NUP133: variants seen among roughly 807,000 people sequenced by gnomAD.
NUP133 encodes nuclear pore complex protein Nup133.
Under a neutral mutation model 146.2 loss-of-function variants are expected in NUP133, and 66 were observed. The observed-to-expected ratio is 0.45, with a 90% CI of 0.37 to 0.55. The LOEUF (loss-of-function observed/expected upper bound fraction) is 0.55. Among genes scored for constraint, NUP133 ranks in the 20% least tolerant of loss-of-function variants. NUP133 has a pLI of 0.00. For synonymous variants in NUP133, 521 were observed against 498.8 expected, an observed-to-expected ratio of 1.04 and a Z score of -0.59; for missense variants, 1,277 against 1,374.8, an observed-to-expected ratio of 0.93 and a Z score of 1.12.
At chr1:229,464,586 A>T in intron 18 of NUP133, 38 bp downstream of exon 18, 1 of 1,604,526 alleles carries the variant, frequency 6.2e-7, no homozygotes, top group Non-Finnish European at 8.5e-7. Context: ...TCATCCATTC[A>T]GCAAATTTAA....
chr1:229,446,426 C>T (rs887151882), intron 24 of NUP133, among the ~76,000 whole-genome samples: 4 of 150,690 alleles, frequency 2.7e-5, no homozygotes, highest in African/African-American at 4.9e-5. Context: ...AAAAACAAAA[C>T]GAACAAACAA....
In NUP133 at chr1:229,499,874, AG is replaced by A. The variant is rs751207714; in HGVS notation, c.514-57del. Reference sequence around the variant, plus strand: ...ACAATAAAAGAGGAACCCAAAAACCAGCAGTCTGATGGCAATGATACAAAGA... The same window carrying A: ...ACAATAAAAGAGGAACCCAAAAACCACAGTCTGATGGCAATGATACAAAGA... On this transcript the variant is annotated intron_variant, in intron 4 of 25. Coordinates refer to ENST00000261396, the MANE Select transcript of NUP133 (RefSeq NM_018230.3). 2.5e-6 allele frequency: 4 copies of A among 1,569,940 alleles called. No homozygotes were observed. The East Asian group carries it at 6.8e-5, about 27-fold the overall frequency.
At chr1:229,503,984 T>C (rs1661872490) in intron 2 of NUP133, among the ~76,000 whole-genome samples, 1 of 152,106 alleles carries the variant, frequency 6.6e-6, no homozygotes, top group African/African-American at 2.4e-5. Flanking sequence ...TACCAATATA[T>C]ATATATACAT....
At chr1:229,498,007 A>T in intron 6 of NUP133, 129 bp downstream of exon 6, 1 of 572,210 alleles carries the variant, frequency 1.7e-6, no homozygotes, top group South Asian at 3.7e-5. Context: ...ATAGTTCACT[A>T]AAAAGACCAA....
intron 24 of NUP133, among the ~76,000 whole-genome samples, chr1:229,446,011 T>G (rs1346856408): frequency 6.6e-6 from 1 of 152,266 alleles, no homozygotes; most frequent in African/African-American, 2.4e-5. Context: ...GGAAAGAATT[T>G]GTTCCTTCAA....
chr1:229,490,117 A>G lies in NUP133; in HGVS notation c.1047-15T>C. ...CCAGCCCATCACTAATCAATAAAAA[A>G]GGAAGATGTAAAGCCTCTCTAAAAA... On this transcript the variant is annotated splice_polypyrimidine_tract_variant and intron_variant, in intron 8 of 25. Transcript: ENST00000261396. 5 of 1,528,688 alleles carry G rather than the reference A, an allele frequency of 3.3e-6. No homozygotes were observed. Among genetic ancestry groups the G allele is most frequent in the Non-Finnish European group, 4.4e-6 (5 of 1,133,458 alleles). 94.7% of individuals were successfully genotyped at this position (1,528,688 alleles called of 1,614,324 possible). A position where few individuals can be genotyped will look rare whatever the true frequency, so the allele number is the denominator to read the frequency against.
intron 16 of NUP133, among the ~76,000 whole-genome samples, chr1:229,466,227 C>A (rs1452404052): frequency 1.3e-5 from 2 of 151,964 alleles, no homozygotes; most frequent in Non-Finnish European, 2.9e-5. Flanking sequence ...TCCCAACACT[C>A]TTGGAGGTTG....
rs998182223 is a variant in NUP133 at position 229,498,211 on chromosome 1, C to T, written c.744G>A (p.Gly248=). ...GKIHQHILPQ[G]QGMLSGIGRK... ...GACCAATTCCTGAAAGCATGCCTTG[C>T]CCCTGAGGCAGGATATGCTGATGAA... is the stretch of plus-strand genomic sequence containing the variant. The change falls in exon 6 of 26, where the codon GGG becomes GGA. Residue 248 remains glycine (G), a synonymous_variant. Transcript: ENST00000261396. 2.5e-6 allele frequency: 4 copies of T among 1,613,292 alleles called. No homozygotes were observed. In the South Asian group the frequency reaches 3.3e-5, roughly 13 times the overall value.
chr1:229,492,404 G>C (rs1192128967), intron 8 of NUP133, among the ~76,000 whole-genome samples: 1 of 152,074 alleles, frequency 6.6e-6, no homozygotes, highest in Non-Finnish European at 1.5e-5. Flanking sequence ...ACTGCGCCCG[G>C]TCCTATTACT....
At chr1:229,466,163 G>C (rs1379416809) in intron 16 of NUP133, among the ~76,000 whole-genome samples, 2 of 152,038 alleles carry the variant, frequency 1.3e-5, no homozygotes, top group Non-Finnish European at 2.9e-5. Context: ...GAAATATTTA[G>C]ACAGTTACAT....
At chr1:229,475,759 G>A (rs751151823) in intron 13 of NUP133, 27 bp from the exon 14 acceptor site, 1 of 1,534,886 alleles carries the variant, frequency 6.5e-7, no homozygotes, top group South Asian at 1.1e-5. Context: ...ATAAAACTTA[G>A]AACATAGTGG....
Position 229,444,997 on chromosome 1 carries a change from G to T in NUP133, c.3251C>A (p.Ser1084Tyr). ...TGGATCATCTTTGCCATCAGAACTG[G>T]ACCAGCTAGAAAACAAAATCATTAT... Reference protein sequence around the residue: ...LCKALQRDNWSSSDGKDDPIE... With the variant: ...LCKALQRDNWYSSDGKDDPIE... Residue 1084 changes from serine (S) to tyrosine (Y), a missense_variant, in exon 25 of 26, where the codon TCC (serine) becomes TAC (tyrosine). Ser to Tyr is a moderately radical substitution (Grantham distance 144, BLOSUM62 -2). Coordinates refer to ENST00000261396, the MANE Select transcript of NUP133 (RefSeq NM_018230.3). The T allele has an allele frequency of 6.2e-7, 1 of 1,606,788 alleles. No homozygotes were observed. Among genetic ancestry groups the T allele is most frequent in the South Asian group, 1.1e-5 (1 of 89,916 alleles).
chr1:229,507,660 T>C (rs1297685511), intron 1 of NUP133, among the ~76,000 whole-genome samples: 1 of 152,244 alleles, frequency 6.6e-6, no homozygotes, highest in Non-Finnish European at 1.5e-5. Flanking sequence ...TTGTAGGTCC[T>C]CATTATCACC....
chr1:229,468,234 C>T (rs887275415), intron 15 of NUP133, among the ~76,000 whole-genome samples: 1 of 152,110 alleles, frequency 6.6e-6, no homozygotes, highest in African/African-American at 2.4e-5. Flanking sequence ...ATATGGCCCA[C>T]CAATCAGAGA....
chr1:229,455,182 A>G (rs1438762053), intron 21 of NUP133, among the ~76,000 whole-genome samples: 1 of 152,216 alleles, frequency 6.6e-6, no homozygotes, highest in Non-Finnish European at 1.5e-5. Flanking sequence ...GACTCTGTGG[A>G]TAAGCCACAT....
rs147737239 is a variant in NUP133 at position 229,442,044 on chromosome 1, T to C, written c.3335-4A>G. 4.9e-5 allele frequency: 76 copies of C among 1,555,122 alleles called. 1 individual carries two copies. In the African/African-American group the frequency reaches 8.5e-4, roughly 17 times the overall value. ...AAGTACTCACTGAGCTGAATGCCTA[T>C]AAACACAAACACAAGAAGTCATTTT... On this transcript the variant is annotated splice_region_variant and splice_polypyrimidine_tract_variant and intron_variant, in intron 25 of 25. Coordinates refer to ENST00000261396, the MANE Select transcript of NUP133 (RefSeq NM_018230.3).
At chr1:229,495,044 C>T (rs1661618868) in intron 8 of NUP133, among the ~76,000 whole-genome samples, 1 of 152,144 alleles carries the variant, frequency 6.6e-6, no homozygotes, top group East Asian at 1.9e-4. Context: ...ACTCGATAAA[C>T]AAGAGCAAGA....
At chr1:229,463,920 T>C (rs1452819947) in intron 18 of NUP133, among the ~76,000 whole-genome samples, 1 of 151,494 alleles carries the variant, frequency 6.6e-6, no homozygotes, top group African/African-American at 2.4e-5. Context: ...CTGAGGCGGG[T>C]GGATCACCTG....
rs1558108765 is a variant in NUP133 at position 229,499,737 on chromosome 1, CCT to C, written c.593_594del (p.Glu198GlyfsTer8). ...TTATCACCTCCCGAATCTACAAAAG[CCT>C]CTGTGTAGGTATCTTCACCAGCAAG... is the stretch of plus-strand genomic sequence containing the variant. ...PSLAGEDTYT[E>X]AFVDSGGDKT... On this transcript the variant is annotated frameshift_variant, in exon 5 of 26. Coordinates refer to ENST00000261396, the MANE Select transcript of NUP133 (RefSeq NM_018230.3). LOFTEE classifies it high-confidence loss of function. 6.2e-7 allele frequency: 1 copy of C among 1,614,124 alleles called. No homozygotes were observed. The highest frequency in any genetic ancestry group is 8.5e-7 in the Non-Finnish European group (1 of 1,179,962).
Sources: gnomAD v4.1 joint callset for allele counts (sites outside exome capture counted in the v4.1 genomes callset) on GRCh38, gnomAD v4.1.1 for gene constraint, MANE v1.5 for transcripts, NCBI Gene and HGNC (gene_info 2026-07-23, HGNC 2026-07-21) for gene names.